TUT4: variants seen among roughly 807,000 people sequenced by gnomAD.
TUT4 encodes the protein terminal uridylyl transferase 4.
Under a neutral mutation model 192.2 loss-of-function variants are expected in TUT4, and 36 were observed. The ratio of observed to expected loss-of-function variants is 0.19; its 90% confidence interval spans 0.14 to 0.25. The LOEUF (loss-of-function observed/expected upper bound fraction) is 0.25, where lower values mean the gene tolerates loss of function less well. TUT4 is among the 10% of genes least tolerant of loss of function. TUT4 has a pLI of 1.00. For missense variants in TUT4, 1,493 were observed against 1,957.2 expected (o/e 0.76, Z 4.47); for synonymous variants, 618 against 666.0 (o/e 0.93, Z 1.11).
intron 16 of TUT4, among the ~76,000 whole-genome samples, chr1:52,464,399 C>G (rs769702554): frequency 6.6e-6 from 1 of 151,994 alleles, no homozygotes; most frequent in African/African-American, 2.4e-5. Flanking sequence ...GGACTACAGG[C>G]GCGTGCCACC....
At chr1:52,537,095 G>A (rs568701637) in intron 1 of TUT4, among the ~76,000 whole-genome samples, 28 of 152,208 alleles carry the variant, frequency 1.8e-4, no homozygotes, top group Admixed American at 6.5e-4. Flanking sequence ...AGGAGGCGGA[G>A]GTTGCAGTGG....
intron 1 of TUT4, among the ~76,000 whole-genome samples, chr1:52,532,543 T>A (rs1683767460): frequency 6.6e-6 from 1 of 152,148 alleles, no homozygotes; most frequent in Non-Finnish European, 1.5e-5. Context: ...ACTCCTGGGC[T>A]CAAGCGATCC....
intron 20 of TUT4, among the ~76,000 whole-genome samples, chr1:52,451,023 T>C (rs1395509950): frequency 6.6e-6 from 1 of 152,170 alleles, no homozygotes; most frequent in African/African-American, 2.4e-5. Flanking sequence ...CCCAGCACTC[T>C]GGGAGGCCCA....
chr1:52,449,390 G>A (rs895929740), intron 20 of TUT4, among the ~76,000 whole-genome samples: 8 of 152,042 alleles, frequency 5.3e-5, no homozygotes, highest in South Asian at 4.1e-4. Context: ...CCTCCACCTC[G>A]CCAGTTCAAG....
intron 1 of TUT4, among the ~76,000 whole-genome samples, chr1:52,531,294 TAA>T (rs955691300): frequency 1.3e-5 from 2 of 151,912 alleles, no homozygotes; most frequent in Non-Finnish European, 2.9e-5. Context: ...GATGCCATTC[TAA>T]CTCACTACAG....
intron 7 of TUT4, among the ~76,000 whole-genome samples, chr1:52,492,530 A>G (rs1416310237): frequency 6.6e-6 from 1 of 152,362 alleles, no homozygotes; most frequent in African/African-American, 2.4e-5. Flanking sequence ...ATACAATGTA[A>G]TATTACCATT....
rs1666801635 is a variant in TUT4, at chr1:52,475,315, C to A, written c.2244G>T (p.Leu748=). The A allele has an allele frequency of 6.2e-7, 1 of 1,613,974 alleles. No homozygotes were observed. Among genetic ancestry groups the A allele is most frequent in the Non-Finnish European group, 8.5e-7 (1 of 1,180,012 alleles). Residue 748 remains leucine (L), a synonymous_variant, in exon 13 of 30, where the codon CTG becomes CTT. Transcript: ENST00000257177. ...SNNMATNGCI[L]LGETTEKINA... ...TTATTTTTTCTGTGGTTTCCCCAAG[C>A]AGAATACAACCATTGGTTGCCATAT...
rs545448886 is a variant in TUT4 at position 52,498,629 on chromosome 1, G to GT, written c.1000-1447dup. Among the ~76,000 whole-genome samples the GT allele has an allele frequency of 6.6e-5, 10 of 151,666 alleles. No individual in the cohort carries two copies. The South Asian group carries it at 1.9e-3, about 29-fold the overall frequency. ...AGGCCGGATGCAGCGGCTCACATGT[G>GT]TAATCCCAACACTTTGGGAGGCCAA... On this transcript the variant is annotated intron_variant, in intron 4 of 29. Transcript: ENST00000257177.
chr1:52,466,098 C>A (rs1329326902), intron 15 of TUT4, among the ~76,000 whole-genome samples: 2 of 152,130 alleles, frequency 1.3e-5, no homozygotes, highest in Admixed American at 1.3e-4. Context: ...TTTATACTTT[C>A]AAAACTTCAT....
chr1:52,504,081 G>A (rs1332892201), intron 4 of TUT4, among the ~76,000 whole-genome samples: 1 of 152,112 alleles, frequency 6.6e-6, no homozygotes, highest in African/African-American at 2.4e-5. Flanking sequence ...TTTTATTTCT[G>A]CTAAGTAAAT....
intron 28 of TUT4, among the ~76,000 whole-genome samples, chr1:52,430,498 G>T (rs991964393): frequency 7.9e-5 from 12 of 152,064 alleles, no homozygotes; most frequent in African/African-American, 2.9e-4. Context: ...GGCCAGGCTG[G>T]TCTCGAACTC....
At position 52,532,779 on chromosome 1, in the gene TUT4, C is replaced by A. The variant is rs568899378; in HGVS notation, c.-93-6406G>T. ...CCAATATTATTCACAGTTAAGCCAA[C>A]TATACTGTAGCACAGAGTTTCCTAA... On this transcript the variant is annotated intron_variant, in intron 1 of 29. Transcript: ENST00000257177. Among the ~76,000 whole-genome samples, 3 of 152,284 alleles carry A rather than the reference C, an allele frequency of 2.0e-5. No homozygotes were observed. The East Asian group carries it at 5.8e-4, about 29-fold the overall frequency.
intron 25 of TUT4, 50 bp from the exon 26 acceptor site, chr1:52,437,028 G>C (rs1353209438): frequency 2.5e-6 from 4 of 1,592,950 alleles, no homozygotes; most frequent in Non-Finnish European, 3.4e-6. Context: ...GTGAGTCACA[G>C]AACAAACTAT....
Position 52,477,695 on chromosome 1 carries a change from C to T in TUT4, c.2023+13G>A. The T allele has an allele frequency of 1.9e-6, 3 of 1,599,206 alleles. No homozygotes were observed. The highest frequency in any genetic ancestry group is 2.6e-6 in the Non-Finnish European group (3 of 1,173,250). ...AAAATATTCTCCAAATGAAATACAA[C>T]ATATCATCTCACCTTCAATGGCTAT... On this transcript the variant is annotated intron_variant, in intron 12 of 29. Coordinates refer to ENST00000257177, the MANE Select transcript of TUT4 (RefSeq NM_001009881.3).
At chr1:52,453,111 G>A (rs982819463) in intron 20 of TUT4, among the ~76,000 whole-genome samples, 4 of 152,116 alleles carry the variant, frequency 2.6e-5, no homozygotes, top group Non-Finnish European at 4.4e-5. Flanking sequence ...GGGGCTGGGC[G>A]TGGGGGCTCA....
At chr1:52,526,510 A>T in intron 1 of TUT4, 137 bp from the exon 2 acceptor site, 1 of 291,454 alleles carries the variant, frequency 3.4e-6, no homozygotes, top group Non-Finnish European at 6.0e-6. Flanking sequence ...AAAAGACAAA[A>T]CTCAGAAAAC....
Position 52,475,187 on chromosome 1 carries a change from G to T in TUT4, c.2372C>A (p.Ala791Asp). ...AGATGAAGAGTCCTGTCCGTGGTCAGCAAAATCTAGTTCATTTACCAACAA... is the reference window on the plus strand; with the variant it reads ...AGATGAAGAGTCCTGTCCGTGGTCATCAAAATCTAGTTCATTTACCAACAA... ...NNLLVNELDF[A>D]DHGQDSSSLS... Residue 791 changes from alanine to aspartate, a missense_variant, in exon 13 of 30, where the codon GCT becomes GAT. Coordinates refer to ENST00000257177, the MANE Select transcript of TUT4 (RefSeq NM_001009881.3). 1 of 1,614,096 alleles carries T rather than the reference G, an allele frequency of 6.2e-7. No homozygotes were observed. Among genetic ancestry groups the T allele is most frequent in the Middle Eastern group, 1.6e-4 (1 of 6,062 alleles).
Position 52,425,359 on chromosome 1 carries a change from G to A in TUT4, c.4860C>T (p.Phe1620=), listed in dbSNP as rs773563202. The part of the protein sequence containing the change: ...GNARFQPNKP[F]YTQDRCATRR... ...TGTAAGCAGTGGTACCTTGAGTATA[G>A]AAAGGTTTGTTGGGCTGGAATCGGG... is the stretch of plus-strand genomic sequence containing the variant. The change falls in exon 29 of 30, where the codon TTC becomes TTT. Residue 1620 remains phenylalanine (F), a synonymous_variant. Coordinates refer to ENST00000257177, the MANE Select transcript of TUT4 (RefSeq NM_001009881.3). 6.2e-7 allele frequency: 1 copy of A among 1,613,700 alleles called. No individual in the cohort carries two copies. Among genetic ancestry groups the A allele is most frequent in the Admixed American group, 1.7e-5 (1 of 59,976 alleles).
At chr1:52,458,234 G>C (rs940646783) in intron 20 of TUT4, 102 bp downstream of exon 20, 1 of 707,458 alleles carries the variant, frequency 1.4e-6, no homozygotes, top group African/African-American at 1.8e-5. Flanking sequence ...GGACAACCAT[G>C]ATGGAAAAAT....
Sources: gnomAD v4.1 joint callset for allele counts (sites outside exome capture counted in the v4.1 genomes callset) on GRCh38, gnomAD v4.1.1 for gene constraint, MANE v1.5 for transcripts, NCBI Gene and HGNC (gene_info 2026-07-23, HGNC 2026-07-21) for gene names.